DLGAP1: variants seen among roughly 807,000 people sequenced by gnomAD.
DLGAP1 encodes the protein DLG associated protein 1.
DLGAP1 carries 11 observed loss-of-function variants against 90.8 expected under a neutral mutation model. The observed-to-expected ratio is 0.12, with a 90% CI of 0.08 to 0.20. The LOEUF (loss-of-function observed/expected upper bound fraction) is 0.20, where lower values mean the gene tolerates loss of function less well. DLGAP1 is among the 10% of genes least tolerant of loss of function. The pLI, the probability that DLGAP1 is intolerant of heterozygous loss-of-function variation, is 1.00. For synonymous variants in DLGAP1, 558 were observed against 540.7 expected (o/e 1.03, Z -0.44); for missense variants, 1,050 against 1,333.8 (o/e 0.79, Z 3.31).
intron 10 of DLGAP1, among the ~76,000 whole-genome samples, chr18:3,527,566 G>C (rs1310419402): frequency 1.3e-5 from 2 of 151,008 alleles, no homozygotes; most frequent in African/African-American, 2.4e-5. Context: ...TGTTTTTTTA[G>C]TTTTTTTTGT....
At position 3,934,719 on chromosome 18, in the gene DLGAP1, A is replaced by G. The variant is rs7234626; in HGVS notation, c.-72-54579T>C. 9.5e-3 allele frequency among the ~76,000 whole-genome samples: 1,445 copies of G among 152,360 alleles called. 19 individuals carry two copies. Among genetic ancestry groups the G allele is most frequent in the South Asian group, 0.037 (180 of 4,832 alleles). On this transcript the variant is annotated intron_variant, in intron 3 of 12. Transcript: ENST00000315677. ...TTTAGAACCAAACAGAGGCCAAGGG[A>G]ATGGAAATGACTGACCAACGAGGCA...
intron 7 of DLGAP1, among the ~76,000 whole-genome samples, chr18:3,608,630 G>T (rs568536775): frequency 4.6e-5 from 7 of 152,086 alleles, no homozygotes; most frequent in Non-Finnish European, 8.8e-5. Context: ...GAGCAAGAAG[G>T]TCACTCACTG....
At chr18:3,759,164 G>C (rs568714139) in intron 5 of DLGAP1, among the ~76,000 whole-genome samples, 112 of 152,120 alleles carry the variant, frequency 7.4e-4, no homozygotes, top group Non-Finnish European at 1.3e-3. Flanking sequence ...AGAAGCTCAG[G>C]GTTCAGGGTA....
rs796317864 is a variant in DLGAP1 at position 3,519,091 on chromosome 18, AC to A, written c.2480-10431del. Among the ~76,000 whole-genome samples, 18 of 152,318 alleles carry A rather than the reference AC, an allele frequency of 1.2e-4. No homozygotes were observed. In the South Asian group the frequency reaches 3.7e-3, roughly 32 times the overall value. ...GCCATCAGAGCTAGAACAGTGGCCA[AC>A]TGGCTGCTGGGTGACAGACACACAG... On this transcript the variant is annotated intron_variant, in intron 10 of 12. Transcript: ENST00000315677.
chr18:3,926,368 C>T (rs2072381806), intron 3 of DLGAP1, among the ~76,000 whole-genome samples: 1 of 151,442 alleles, frequency 6.6e-6, no homozygotes, highest in South Asian at 2.1e-4. Flanking sequence ...GCAAAACTGC[C>T]CCCTGTGGAG....
chr18:3,954,447 CTG>C (rs1175570987), intron 3 of DLGAP1, among the ~76,000 whole-genome samples: 1 of 152,140 alleles, frequency 6.6e-6, no homozygotes, highest in East Asian at 1.9e-4. Context: ...AAGGATGAAA[CTG>C]AATGTACTTC....
At chr18:3,741,330 T>TCACCACCACCACCACCATCAC (rs2063028576) in intron 6 of DLGAP1, among the ~76,000 whole-genome samples, 1 of 63,952 alleles carries the variant, frequency 1.6e-5, no homozygotes, top group African/African-American at 7.1e-5. Flanking sequence ...ACCACCACCA[T>TCACCACCACCACCACCATCAC]CACCACCACC....
At position 4,345,350 on chromosome 18, in the gene DLGAP1, A is replaced by G. The variant is rs143654060; in HGVS notation, c.-267+109656T>C. 1.0e-3 allele frequency among the ~76,000 whole-genome samples: 159 copies of G among 152,294 alleles called. 1 individual carries two copies. The highest frequency in any genetic ancestry group is 3.7e-3 in the African/African-American group (152 of 41,564). The stretch of plus-strand genomic sequence containing the variant: ...TGACTAGAGTAAAACTGGCAATGTA[A>G]TATCTTGGAACAGAAGACTTTTAAG... On this transcript the variant is annotated intron_variant, in intron 1 of 12. Transcript: ENST00000315677.
chr18:3,852,709 G>A (rs1203989275), intron 4 of DLGAP1, among the ~76,000 whole-genome samples: 1 of 152,010 alleles, frequency 6.6e-6, no homozygotes, highest in Non-Finnish European at 1.5e-5. Flanking sequence ...ATTAATGGCT[G>A]TTGAATATTT....
chr18:4,322,751 G>C (rs914911934), intron 1 of DLGAP1, among the ~76,000 whole-genome samples: 7 of 152,084 alleles, frequency 4.6e-5, no homozygotes, highest in Non-Finnish European at 8.8e-5. Context: ...CACGAGGTCA[G>C]GAAATCGAGA....
intron 2 of DLGAP1, among the ~76,000 whole-genome samples, chr18:4,047,455 T>C (rs558285641): frequency 1.6e-4 from 25 of 152,310 alleles, no homozygotes; most frequent in Admixed American, 1.2e-3. Context: ...AAGTAGCCAA[T>C]AGTAATAAAT....
At chr18:4,372,062 T>C (rs1443459317) in intron 1 of DLGAP1, among the ~76,000 whole-genome samples, 1 of 152,212 alleles carries the variant, frequency 6.6e-6, no homozygotes, top group Non-Finnish European at 1.5e-5. Flanking sequence ...ACCAAAGATA[T>C]TCTTAAAAGC....
At chr18:4,446,423 A>C (rs1293684222) in intron 1 of DLGAP1, among the ~76,000 whole-genome samples, 8 of 150,180 alleles carry the variant, frequency 5.3e-5, no homozygotes, top group Non-Finnish European at 1.2e-4. Context: ...GCATAAAATG[A>C]TGAAGTTGTG....
intron 3 of DLGAP1, among the ~76,000 whole-genome samples, chr18:3,977,260 C>A (rs933680729): frequency 6.6e-6 from 1 of 151,854 alleles, no homozygotes; most frequent in Non-Finnish European, 1.5e-5. Context: ...TTAGTAGAGA[C>A]GGGGTTTTCC....
At chr18:4,250,000 T>C (rs1487106415) in intron 1 of DLGAP1, among the ~76,000 whole-genome samples, 2 of 152,228 alleles carry the variant, frequency 1.3e-5, no homozygotes, top group Admixed American at 1.3e-4. Flanking sequence ...CCTTCAGCCA[T>C]GCATCTTTGG....
chr18:4,361,917 G>A (rs1488279450), intron 1 of DLGAP1, among the ~76,000 whole-genome samples: 3 of 152,122 alleles, frequency 2.0e-5, no homozygotes, highest in African/African-American at 7.2e-5. Context: ...TTAAAAGTAT[G>A]CAAAGGACTT....
chr18:3,786,208 A>C (rs1163931421), intron 5 of DLGAP1, among the ~76,000 whole-genome samples: 2 of 152,156 alleles, frequency 1.3e-5, no homozygotes, highest in African/African-American at 4.8e-5. Context: ...ACAAATTCAC[A>C]GGTTCTAGGG....
chr18:4,332,759 C>T (rs190726144), intron 1 of DLGAP1, among the ~76,000 whole-genome samples: 2 of 152,042 alleles, frequency 1.3e-5, no homozygotes, highest in East Asian at 3.9e-4. Flanking sequence ...TGACATATTC[C>T]TCCAAATTGA....
At position 3,933,619 on chromosome 18, in the gene DLGAP1, G is replaced by T. The variant is rs140769549; in HGVS notation, c.-72-53479C>A. Reference sequence around the variant, plus strand: ...CACAGCAGCTTTCTGGCTGTCTATTGTTCCTTTCCTGAAAGCCTAGCCCTC... The same window carrying T: ...CACAGCAGCTTTCTGGCTGTCTATTTTTCCTTTCCTGAAAGCCTAGCCCTC... On this transcript the variant is annotated intron_variant, in intron 3 of 12. Coordinates refer to ENST00000315677, the MANE Select transcript of DLGAP1 (RefSeq NM_004746.4). Among the ~76,000 whole-genome samples, 413 of 152,288 alleles carry T rather than the reference G, an allele frequency of 2.7e-3. 5 individuals are homozygous for T. Among genetic ancestry groups the T allele is most frequent in the East Asian group, 0.02 (104 of 5,168 alleles).
Sources: gnomAD v4.1 joint callset for allele counts (sites outside exome capture counted in the v4.1 genomes callset) on GRCh38, gnomAD v4.1.1 for gene constraint, MANE v1.5 for transcripts, NCBI Gene and HGNC (gene_info 2026-07-23, HGNC 2026-07-21) for gene names.